MUC7: variants seen among roughly 807,000 people sequenced by gnomAD.
MUC7 encodes mucin-7.
In MUC7, 2 loss-of-function variants were observed where a neutral mutation model predicts 2.5. That is an observed-to-expected ratio of 0.81 (90% confidence interval 0.33 to 2.55). The LOEUF is 2.55. Among genes scored for constraint, MUC7 ranks in the 30% most tolerant of loss-of-function variants. The probability of loss-of-function intolerance (pLI) is 0.11; values close to 1 mark genes in which losing one functional copy is unlikely to be tolerated. For missense variants in MUC7, 408 were observed against 455.6 expected (o/e 0.90, Z 0.95); for synonymous variants, 133 against 173.4 (o/e 0.77, Z 1.83).
chr4:70,471,387 A>G (rs531523060), upstream of MUC7, among the ~76,000 whole-genome samples: 58 of 152,290 alleles, frequency 3.8e-4, no homozygotes, highest in South Asian at 2.7e-3. Context: ...AAATGACTAA[A>G]AATATTTTTG....
At chr4:70,464,669 AG>A (rs1354350277) in intron 1 of MUC7, among the ~76,000 whole-genome samples, 1 of 152,114 alleles carries the variant, frequency 6.6e-6, no homozygotes, top group African/African-American at 2.4e-5. Context: ...AGCTCAGCAA[AG>A]CCACTGTAGC....
At chr4:70,431,913 ACAGGC>A (rs1229704527) in intron 1 of MUC7, among the ~76,000 whole-genome samples, 2 of 151,896 alleles carry the variant, frequency 1.3e-5, no homozygotes, top group Non-Finnish European at 2.9e-5. Flanking sequence ...CCACCCCACG[ACAGGC>A]CCCGGTGTGT....
chr4:70,445,656 A>G (rs910371186), intron 1 of MUC7, among the ~76,000 whole-genome samples: 13 of 152,184 alleles, frequency 8.5e-5, no homozygotes, highest in African/African-American at 2.4e-5. Context: ...ACCCATCCAC[A>G]TAAATCCCAA....
At chr4:70,464,796 G>T (rs1236126764) in intron 1 of MUC7, among the ~76,000 whole-genome samples, 1 of 152,154 alleles carries the variant, frequency 6.6e-6, no homozygotes, top group African/African-American at 2.4e-5. Flanking sequence ...AAAGCACCTG[G>T]GGAAAGGGGA....
chr4:70,474,820 AG>A (rs1734948014), intron 2 of MUC7, among the ~76,000 whole-genome samples: 1 of 152,156 alleles, frequency 6.6e-6, no homozygotes, highest in Non-Finnish European at 1.5e-5. Flanking sequence ...AGGTAACAAA[AG>A]CTGAGATAAG....
chr4:70,447,734 T>A (rs1020279868), intron 1 of MUC7, among the ~76,000 whole-genome samples: 8 of 152,206 alleles, frequency 5.3e-5, no homozygotes, highest in Non-Finnish European at 2.9e-5. Context: ...AATAATCACA[T>A]CATGGAGAAT....
chr4:70,468,760 C>A (rs1235907983), upstream of MUC7, among the ~76,000 whole-genome samples: 1 of 152,116 alleles, frequency 6.6e-6, no homozygotes, highest in African/African-American at 2.4e-5. Context: ...TAAGACAGGA[C>A]ACAAACAAAT....
rs557828630 is a variant in MUC7 at position 70,437,288 on chromosome 4, C to G, written c.-93+6601C>G. 2.6e-5 allele frequency among the ~76,000 whole-genome samples: 4 copies of G among 152,298 alleles called. No individual in the cohort carries two copies. The South Asian group carries it at 8.3e-4, about 32-fold the overall frequency. ...CAGAAGCTGTCTGCTGCCTTTTGTT[C>G]AAGTATGCCCTGATCCCAGAGGTGG... On this transcript the variant is annotated intron_variant, in intron 1 of 3. Coordinates refer to the MUC7 transcript ENST00000413702.
chr4:70,450,024 C>G (rs1734241695), intron 1 of MUC7, among the ~76,000 whole-genome samples: 1 of 152,238 alleles, frequency 6.6e-6, no homozygotes, highest in African/African-American at 2.4e-5. Flanking sequence ...AGGCCTATGT[C>G]CTTCCATTCA....
intron 2 of MUC7, among the ~76,000 whole-genome samples, chr4:70,475,642 T>C (rs12500038): frequency 0.14 from 20,868 of 152,210 alleles, 1,702 homozygotes; most frequent in Middle Eastern, 0.24. Flanking sequence ...TTAATAATGA[T>C]ATAATGTGAT....
At chr4:70,452,904 T>C (rs1483411325) in intron 1 of MUC7, among the ~76,000 whole-genome samples, 1 of 152,186 alleles carries the variant, frequency 6.6e-6, no homozygotes, top group Non-Finnish European at 1.5e-5. Flanking sequence ...TCAGGTTTTG[T>C]TTGTCTGGGA....
In MUC7 at chr4:70,481,447, A is replaced by G. The variant is rs1037415689; in HGVS notation, c.703A>G (p.Thr235Ala). The change falls in exon 3 of 3, where the codon ACA becomes GCA. Residue 235 changes from threonine to alanine, a missense_variant. By Grantham distance (58) the Thr-to-Ala change is moderately conservative. Transcript: ENST00000304887. ...ATCTTCCTCAGCTCCACCAGAGACC[A>G]CAGCTGCCCCACCCACACCTTCTGC... ...PPSSSAPPETTAAPPTPSATT... is the reference protein window; with the variant it reads ...PPSSSAPPETAAAPPTPSATT... 1 of 1,509,388 alleles carries G rather than the reference A, an allele frequency of 6.6e-7. No homozygotes were observed. Among genetic ancestry groups the G allele is most frequent in the Admixed American group, 1.8e-5 (1 of 54,078 alleles). 93.5% of individuals were successfully genotyped at this position (1,509,388 alleles called of 1,614,324 possible).
At chr4:70,445,419 C>T (rs557694578) in intron 1 of MUC7, among the ~76,000 whole-genome samples, 17 of 152,198 alleles carry the variant, frequency 1.1e-4, no homozygotes, top group Non-Finnish European at 1.9e-4. Flanking sequence ...GATTATGAGT[C>T]TGCCATAGAA....
At chr4:70,462,166 T>C (rs1385449383) in intron 1 of MUC7, among the ~76,000 whole-genome samples, 1 of 151,830 alleles carries the variant, frequency 6.6e-6, no homozygotes, top group Non-Finnish European at 1.5e-5. Flanking sequence ...GAGCCATAAT[T>C]GTGCCAGTTC....
intron 1 of MUC7, among the ~76,000 whole-genome samples, chr4:70,439,379 G>T (rs1733944921): frequency 6.6e-6 from 1 of 152,042 alleles, no homozygotes; most frequent in African/African-American, 2.4e-5. Context: ...AAGTCAATGG[G>T]ATCCCACTGG....
chr4:70,471,650 G>T (rs1734838194), upstream of MUC7, among the ~76,000 whole-genome samples: 1 of 152,104 alleles, frequency 6.6e-6, no homozygotes, highest in African/African-American at 2.4e-5. Context: ...TTTTCTATAT[G>T]TTTGAATATT....
At chr4:70,468,062 A>G (rs1004524922), upstream of MUC7, among the ~76,000 whole-genome samples, 2 of 152,182 alleles carry the variant, frequency 1.3e-5, no homozygotes, top group African/African-American at 2.4e-5. Flanking sequence ...ATCTACCAAG[A>G]TCAAGCTGGC....
At chr4:70,460,226 A>T (rs1734522485) in intron 1 of MUC7, among the ~76,000 whole-genome samples, 3 of 152,200 alleles carry the variant, frequency 2.0e-5, no homozygotes, top group Admixed American at 2.0e-4. Flanking sequence ...ACAGATACAT[A>T]ACAAAGTAGG....
chr4:70,459,857 T>G (rs1246352371), intron 1 of MUC7, among the ~76,000 whole-genome samples: 2 of 152,208 alleles, frequency 1.3e-5, no homozygotes, highest in Non-Finnish European at 2.9e-5. Context: ...TAAAAGAATT[T>G]ACCACTTCCT....
Sources: gnomAD v4.1 joint callset for allele counts (sites outside exome capture counted in the v4.1 genomes callset) on GRCh38, gnomAD v4.1.1 for gene constraint, MANE v1.5 for transcripts, NCBI Gene and HGNC (gene_info 2026-07-23, HGNC 2026-07-21) for gene names.